Variants in ATXN8OS observed in about 807,000 individuals in gnomAD.
ATXN8OS encodes ATXN8 opposite strand lncRNA, also known as ATXN8 opposite strand (non-protein coding).
chr13:70,160,117 A>G (rs1427158302), intron 4 of ATXN8OS, among the ~76,000 whole-genome samples: 1 of 152,170 alleles, frequency 6.6e-6, no homozygotes, highest in Non-Finnish European at 1.5e-5. Flanking sequence ...GAATGGCTGT[A>G]CCATTTTTCA....
intron 4 of ATXN8OS, among the ~76,000 whole-genome samples, chr13:70,161,586 T>C (rs1267631421): frequency 2.0e-5 from 3 of 152,112 alleles, no homozygotes; most frequent in Non-Finnish European, 2.9e-5. Context: ...TCCTTAACCC[T>C]GCTTTATTTT....
intron 4 of ATXN8OS, among the ~76,000 whole-genome samples, chr13:70,153,526 C>T (rs1024825525): frequency 6.6e-6 from 1 of 152,088 alleles, no homozygotes; most frequent in Non-Finnish European, 1.5e-5. Flanking sequence ...AGTGAGCCAA[C>T]ATCGCACCAT....
At chr13:70,152,482 T>C (rs916363943) in intron 4 of ATXN8OS, among the ~76,000 whole-genome samples, 1 of 151,954 alleles carries the variant, frequency 6.6e-6, no homozygotes, top group Admixed American at 6.6e-5. Context: ...CACATATATA[T>C]ACACACACGT....
At chr13:70,138,547 A>G (rs1467682044) in intron 3 of ATXN8OS, among the ~76,000 whole-genome samples, 1 of 152,124 alleles carries the variant, frequency 6.6e-6, no homozygotes, top group Non-Finnish European at 1.5e-5. Context: ...TCTAGGTGCT[A>G]TAGATTTATT....
chr13:70,164,049 TTTATTCTTATTATTATTATTA>T (rs1249335626), intron 4 of ATXN8OS, among the ~76,000 whole-genome samples: 22 of 140,504 alleles, frequency 1.6e-4, no homozygotes, highest in Admixed American at 5.1e-4. Context: ...GCTGGAAGTT[TTTATTCTTATTATTATTATTA>T]TTATTATTAT....
intron 3 of ATXN8OS, among the ~76,000 whole-genome samples, chr13:70,145,994 A>G (rs1447531105): frequency 7.0e-6 from 1 of 143,832 alleles, no homozygotes; most frequent in Non-Finnish European, 1.5e-5. Flanking sequence ...AATGGGAGAA[A>G]ATTTTCACAA....
intron 4 of ATXN8OS, among the ~76,000 whole-genome samples, chr13:70,165,592 A>T (rs968188463): frequency 6.6e-6 from 1 of 152,062 alleles, no homozygotes; most frequent in Admixed American, 6.6e-5. Flanking sequence ...TCAGTGAATA[A>T]TTATCTGCGT....
intron 2 of ATXN8OS, among the ~76,000 whole-genome samples, chr13:70,125,949 T>C (rs1352942931): frequency 1.3e-5 from 2 of 152,244 alleles, no homozygotes; most frequent in Middle Eastern, 3.4e-3. Context: ...TATGCCTGTT[T>C]ACTTTAGCTA....
At chr13:70,152,171 T>G (rs1483237106) in intron 4 of ATXN8OS, among the ~76,000 whole-genome samples, 1 of 152,060 alleles carries the variant, frequency 6.6e-6, no homozygotes, top group Non-Finnish European at 1.5e-5. Flanking sequence ...GACAATGAAT[T>G]CACATGGGAT....
intron 4 of ATXN8OS, among the ~76,000 whole-genome samples, chr13:70,162,370 C>A (rs372447553): frequency 6.6e-6 from 1 of 152,130 alleles, no homozygotes; most frequent in South Asian, 2.1e-4. Context: ...GCTGAACAAA[C>A]CCCCTAGAGG....
chr13:70,111,782 A>G (rs1429956643), intron 1 of ATXN8OS, among the ~76,000 whole-genome samples: 7 of 152,176 alleles, frequency 4.6e-5, no homozygotes, highest in African/African-American at 7.2e-5. Context: ...GCCTTCTGCA[A>G]TGCCTAGAAA....
At chr13:70,124,224 A>C (rs1172287589) in intron 2 of ATXN8OS, among the ~76,000 whole-genome samples, 1 of 152,132 alleles carries the variant, frequency 6.6e-6, no homozygotes, top group Non-Finnish European at 1.5e-5. Context: ...TTCCCAAAAC[A>C]TTAAATAATT....
intron 4 of ATXN8OS, among the ~76,000 whole-genome samples, chr13:70,155,225 T>C (rs73522626): frequency 0.028 from 4,222 of 152,292 alleles, 203 homozygotes; most frequent in African/African-American, 0.095. Context: ...AATCATAGTT[T>C]CCTTGATACA....
Position 70,159,017 on chromosome 13 carries a change from GTATATCA to G in ATXN8OS, n.574-10730_574-10724del, listed in dbSNP as rs550859690. 7.4e-4 allele frequency among the ~76,000 whole-genome samples: 112 copies of G among 151,776 alleles called. No individual in the cohort carries two copies. The East Asian group carries it at 0.018, about 24-fold the overall frequency. ...TATGAATTTACATGTATTTTATCAT[GTATATCA>G]TATATATTTATGCTTTATCCTGGAT... On this transcript the variant is annotated intron_variant and non_coding_transcript_variant, in intron 4 of 4. Transcript: ENST00000678624.
At chr13:70,141,841 C>T (rs542342108) in intron 3 of ATXN8OS, among the ~76,000 whole-genome samples, 22 of 151,962 alleles carry the variant, frequency 1.4e-4, no homozygotes, top group African/African-American at 5.3e-4. Context: ...ATAAAACCAA[C>T]ACACATATAT....
intron 3 of ATXN8OS, chr13:70,130,576 G>C (rs966472876): frequency 1.8e-5 from 7 of 397,082 alleles, no homozygotes; most frequent in African/African-American, 1.4e-4. Context: ...CAACTTTTGA[G>C]ATACCAATGG....
intron 4 of ATXN8OS, among the ~76,000 whole-genome samples, chr13:70,160,004 A>G (rs1284999499): frequency 6.6e-6 from 1 of 152,210 alleles, no homozygotes; most frequent in Admixed American, 6.5e-5. Context: ...TGTACAGATT[A>G]TTGCATGAAC....
chr13:70,163,949 G>T (rs1374469931), intron 4 of ATXN8OS, among the ~76,000 whole-genome samples: 5 of 149,918 alleles, frequency 3.3e-5, no homozygotes, highest in African/African-American at 1.2e-4. Flanking sequence ...CCCACTTAGT[G>T]GTATTTTACG....
intron 2 of ATXN8OS, among the ~76,000 whole-genome samples, chr13:70,124,515 C>T (rs1453230925): frequency 6.6e-6 from 1 of 152,004 alleles, no homozygotes; most frequent in Admixed American, 6.6e-5. Flanking sequence ...CAGTTACCAA[C>T]AGGCATGAGG....
Sources: gnomAD v4.1 joint callset for allele counts (sites outside exome capture counted in the v4.1 genomes callset) on GRCh38, gnomAD v4.1.1 for gene constraint, MANE v1.5 for transcripts, NCBI Gene and HGNC (gene_info 2026-07-23, HGNC 2026-07-21) for gene names.